NRP1: variants seen among roughly 807,000 people sequenced by gnomAD.
The protein encoded by NRP1 is neuropilin 1, also known as neuropilin-1.
NRP1 carries 35 observed loss-of-function variants against 106.7 expected under a neutral mutation model. The ratio of observed to expected loss-of-function variants is 0.33; its 90% CI spans 0.25 to 0.43. The LOEUF (loss-of-function observed/expected upper bound fraction) is 0.43. NRP1 is among the 20% of genes least tolerant of loss of function. The pLI, the probability that NRP1 is intolerant of heterozygous loss-of-function variation, is 1.00. For synonymous variants in NRP1, 437 were observed against 417.9 expected (o/e 1.05, Z -0.56); for missense variants, 1,024 against 1,170.4 (o/e 0.87, Z 1.83).
intron 2 of NRP1, among the ~76,000 whole-genome samples, chr10:33,324,454 C>A (rs1044578307): frequency 6.6e-5 from 10 of 152,188 alleles, no homozygotes; most frequent in African/African-American, 2.4e-4. Flanking sequence ...CACATAAAAT[C>A]TGCATAATAA....
intron 2 of NRP1, among the ~76,000 whole-genome samples, chr10:33,292,557 A>G (rs1345953296): frequency 2.0e-5 from 3 of 152,232 alleles, no homozygotes; most frequent in Non-Finnish European, 2.9e-5. Flanking sequence ...GCTGACCTTG[A>G]CACTGAAGCC....
In NRP1 at chr10:33,330,702, A is replaced by C; in HGVS notation, c.248+6T>G. ...TGGTGCCCTGTTCAAAAACATTCCCACTTACTTGCAGTCTCTGTCCTCCAA... is the reference window on the plus strand; with the variant it reads ...TGGTGCCCTGTTCAAAAACATTCCCCCTTACTTGCAGTCTCTGTCCTCCAA... On this transcript the variant is annotated splice_donor_region_variant and intron_variant, in intron 2 of 16. Transcript: ENST00000374867. 6.2e-7 allele frequency: 1 copy of C among 1,607,914 alleles called. No homozygotes were observed. The highest frequency in any genetic ancestry group is 1.1e-5 in the South Asian group (1 of 90,424).
At chr10:33,305,615 C>A (rs930353196) in intron 2 of NRP1, among the ~76,000 whole-genome samples, 2 of 152,086 alleles carry the variant, frequency 1.3e-5, no homozygotes, top group African/African-American at 4.8e-5. Flanking sequence ...CTTTCTCTAC[C>A]CATCAACTAG....
intron 9 of NRP1, among the ~76,000 whole-genome samples, chr10:33,208,982 C>T (rs565977260): frequency 1.6e-4 from 22 of 141,644 alleles, no homozygotes; most frequent in Non-Finnish European, 3.0e-4. Context: ...TCTTGACTCA[C>T]TGCAACCTGT....
At chr10:33,221,625 C>G in intron 8 of NRP1, 94 bp downstream of exon 8, 1 of 1,315,616 alleles carries the variant, frequency 7.6e-7, no homozygotes, top group South Asian at 1.4e-5. Context: ...ATTGCATTTA[C>G]AAACTTATTT....
At chr10:33,328,068 AAAAC>A (rs1369011304) in intron 2 of NRP1, among the ~76,000 whole-genome samples, 6 of 152,216 alleles carry the variant, frequency 3.9e-5, no homozygotes, top group Admixed American at 1.3e-4. Flanking sequence ...TAGCATTAAA[AAAAC>A]AAACAAAGTC....
At chr10:33,334,198 G>T in intron 1 of NRP1, 112 bp downstream of exon 1, 2 of 918,892 alleles carry the variant, frequency 2.2e-6, no homozygotes, top group South Asian at 3.1e-5. Flanking sequence ...TCCTTCGCCC[G>T]GGAGTCGGTT....
At chr10:33,221,906 G>C (rs1839273881) in intron 7 of NRP1, 43 bp from the exon 8 acceptor site, 2 of 1,573,320 alleles carry the variant, frequency 1.3e-6, no homozygotes, top group Non-Finnish European at 1.7e-6. Flanking sequence ...AGAGGTTTTG[G>C]ATTTAAATCC....
At chr10:33,300,494 C>T (rs1002670399) in intron 2 of NRP1, among the ~76,000 whole-genome samples, 2 of 152,142 alleles carry the variant, frequency 1.3e-5, no homozygotes, top group Non-Finnish European at 2.9e-5. Context: ...GATTATCTGA[C>T]AGGAGGATGC....
At position 33,207,598 on chromosome 10, in the gene NRP1, AT is replaced by A. The variant is rs1837891194; in HGVS notation, c.1732del (p.Met578TrpfsTer58). ...RATHGGLGLR[M>X]ELLGCEVEAP... ...TTCCACTTCACAGCCCAGCAGCTCC[AT>A]TCTGAGCCCCAGTCCGCCATGAGTG... On this transcript the variant is annotated frameshift_variant, in exon 10 of 17. Coordinates refer to ENST00000374867, the MANE Select transcript of NRP1 (RefSeq NM_003873.7). LOFTEE classifies it high-confidence loss of function. The A allele has an allele frequency of 6.2e-7, 1 of 1,614,112 alleles. No individual in the cohort carries two copies. Among genetic ancestry groups the A allele is most frequent in the Admixed American group, 1.7e-5 (1 of 60,014 alleles).
intron 2 of NRP1, among the ~76,000 whole-genome samples, chr10:33,329,302 A>G (rs1356098016): frequency 6.6e-6 from 1 of 152,190 alleles, no homozygotes; most frequent in Admixed American, 6.5e-5. Flanking sequence ...GTTGCACTGT[A>G]GTATACACTG....
At chr10:33,216,701 C>G (rs928745662) in intron 8 of NRP1, among the ~76,000 whole-genome samples, 4 of 152,066 alleles carry the variant, frequency 2.6e-5, no homozygotes, top group African/African-American at 9.7e-5. Context: ...TTTGGCCTCC[C>G]AAAGTGCTGG....
intron 11 of NRP1, among the ~76,000 whole-genome samples, chr10:33,199,509 C>T (rs1457600351): frequency 7.0e-6 from 1 of 142,668 alleles, no homozygotes; most frequent in Non-Finnish European, 1.5e-5. Flanking sequence ...TCCCAAAGTG[C>T]TGGTGTTACA....
intron 2 of NRP1, among the ~76,000 whole-genome samples, chr10:33,304,212 A>C (rs1420792198): frequency 6.6e-6 from 1 of 152,200 alleles, no homozygotes; most frequent in Non-Finnish European, 1.5e-5. Flanking sequence ...TCTCATTAAA[A>C]TTCTTTCTAT....
intron 2 of NRP1, among the ~76,000 whole-genome samples, chr10:33,320,833 G>A (rs533069037): frequency 1.3e-5 from 2 of 152,282 alleles, no homozygotes; most frequent in South Asian, 2.1e-4. Context: ...CCACCCAAAC[G>A]AGAGATGAAC....
At chr10:33,197,896 ATT>A (rs201648377) in intron 11 of NRP1, among the ~76,000 whole-genome samples, 187 bp from the exon 12 acceptor site, 163 of 147,400 alleles carry the variant, frequency 1.1e-3, no homozygotes, top group East Asian at 5.5e-3. Flanking sequence ...ATAAACCATT[ATT>A]TTTTTTTTTT....
At chr10:33,208,217 C>A in intron 9 of NRP1, among the ~76,000 whole-genome samples, 2 of 152,264 alleles carry the variant, frequency 1.3e-5, no homozygotes, top group Middle Eastern at 6.8e-3. Flanking sequence ...TGCGCCACCA[C>A]GCCGAGCTAA....
intron 2 of NRP1, among the ~76,000 whole-genome samples, chr10:33,311,815 C>G (rs1846625788): frequency 2.0e-5 from 3 of 152,134 alleles, no homozygotes; most frequent in Non-Finnish European, 4.4e-5. Flanking sequence ...AATCTCAGGA[C>G]TTGTATAATA....
chr10:33,255,920 G>A (rs1842165533), intron 5 of NRP1, among the ~76,000 whole-genome samples: 2 of 152,120 alleles, frequency 1.3e-5, no homozygotes, highest in East Asian at 3.9e-4. Context: ...CCCATACTTC[G>A]TGACTGCTCT....
Sources: gnomAD v4.1 joint callset for allele counts (sites outside exome capture counted in the v4.1 genomes callset) on GRCh38, gnomAD v4.1.1 for gene constraint, MANE v1.5 for transcripts, NCBI Gene and HGNC (gene_info 2026-07-23, HGNC 2026-07-21) for gene names.